The following PSAP variants were observed in gnomAD, a reference collection of about 807,000 sequenced individuals.
PSAP encodes prosaposin.
In PSAP, 25 loss-of-function variants were observed where a neutral mutation model predicts 66.0. That is an observed-to-expected ratio of 0.38 (90% CI 0.28 to 0.53). The LOEUF is 0.53. Among genes scored for constraint, PSAP ranks in the 20% least tolerant of loss-of-function variants. The pLI is 0.83. For synonymous variants in PSAP, 273 were observed against 258.9 expected, an observed-to-expected ratio of 1.05 and a Z score of -0.52; for missense variants, 649 against 668.8, an observed-to-expected ratio of 0.97 and a Z score of 0.33.
intron 7 of PSAP, 64 bp downstream of exon 7, chr10:71,825,773 C>T: frequency 1.3e-6 from 2 of 1,482,766 alleles, no homozygotes; most frequent in Non-Finnish European, 1.9e-6. Context: ...TTTCAAAATT[C>T]CTAGAAATGA....
chr10:71,824,506 C>T (rs1398168684), intron 7 of PSAP, among the ~76,000 whole-genome samples: 1 of 152,214 alleles, frequency 6.6e-6, no homozygotes, highest in Non-Finnish European at 1.5e-5. Context: ...TATATGTATG[C>T]ATTTGGCTAT....
At position 71,828,034 on chromosome 10, in the gene PSAP, C is replaced by T. The variant is rs770358467; in HGVS notation, c.700G>A (p.Gly234Ser). The T allele has an allele frequency of 6.2e-7, 1 of 1,614,182 alleles. No individual in the cohort carries two copies. Among genetic ancestry groups the T allele is most frequent in the Non-Finnish European group, 8.5e-7 (1 of 1,180,030 alleles). The change falls in exon 6 of 14, where the codon GGC becomes AGC. Residue 234 changes from glycine to serine, a missense_variant. Gly to Ser is a moderately conservative substitution (Grantham distance 56, BLOSUM62 0). Coordinates refer to ENST00000394936, the MANE Select transcript of PSAP (RefSeq NM_002778.4). ...EHVKEECDRL[G>S]PGMADICKNY... Reference sequence around the variant, plus strand: ...CTCACTATGTCGGCCATGCCAGGGCCCAGGCGGTCACACTCCTCCTTGACA... The same window carrying T: ...CTCACTATGTCGGCCATGCCAGGGCTCAGGCGGTCACACTCCTCCTTGACA...
At chr10:71,841,106 C>G (rs1017675746) in intron 1 of PSAP, among the ~76,000 whole-genome samples, 3 of 152,284 alleles carry the variant, frequency 2.0e-5, no homozygotes, top group African/African-American at 7.2e-5. Flanking sequence ...GCCAAGTGAG[C>G]AAGTGGAGGC....
chr10:71,835,658 C>G (rs1474520857), intron 1 of PSAP, among the ~76,000 whole-genome samples: 1 of 152,042 alleles, frequency 6.6e-6, no homozygotes, highest in Non-Finnish European at 1.5e-5. Context: ...AAAAAATCCT[C>G]AGATTCACAT....
intron 1 of PSAP, among the ~76,000 whole-genome samples, chr10:71,849,025 T>C (rs7098225): frequency 1.8e-4 from 28 of 152,244 alleles, no homozygotes; most frequent in African/African-American, 6.3e-4. Context: ...TGAGTCCCTT[T>C]TGGGTGATGT....
At chr10:71,846,997 A>C (rs73279792) in intron 1 of PSAP, among the ~76,000 whole-genome samples, 2,563 of 152,216 alleles carry the variant, frequency 0.017, 72 homozygotes, top group African/African-American at 0.057. Flanking sequence ...TGCTGTTCCC[A>C]GCCAGCAACA....
Position 71,839,784 on chromosome 10 carries a change from G to A in PSAP, c.41-5279C>T, listed in dbSNP as rs189288421. On this transcript the variant is annotated intron_variant, in intron 1 of 13. Coordinates refer to ENST00000394936, the MANE Select transcript of PSAP (RefSeq NM_002778.4). ...CAGGAGAATCGCTTGAACTCAGGAG[G>A]CAGAGGTTGTAGTAAGCCGAGATCA... Among the ~76,000 whole-genome samples, 385 of 152,222 alleles carry A rather than the reference G, an allele frequency of 2.5e-3. 2 individuals carry two copies. Among genetic ancestry groups the A allele is most frequent in the African/African-American group, 8.7e-3 (363 of 41,538 alleles).
chr10:71,835,926 T>C (rs1842617731), intron 1 of PSAP, among the ~76,000 whole-genome samples: 1 of 151,968 alleles, frequency 6.6e-6, no homozygotes, highest in African/African-American at 2.4e-5. Flanking sequence ...TCTACATACG[T>C]GTGTAACACA....
intron 4 of PSAP, 84 bp downstream of exon 4, chr10:71,831,042 C>T: frequency 8.8e-6 from 14 of 1,584,526 alleles, no homozygotes; most frequent in Non-Finnish European, 1.2e-5. Context: ...ACAGACTTTC[C>T]ATTTTAATCA....
intron 1 of PSAP, among the ~76,000 whole-genome samples, chr10:71,841,477 G>C (rs1163270982): frequency 6.6e-6 from 1 of 152,202 alleles, no homozygotes; most frequent in Non-Finnish European, 1.5e-5. Context: ...TCAGACCACA[G>C]CATGGGTCAC....
intron 13 of PSAP, among the ~76,000 whole-genome samples, chr10:71,817,915 C>T (rs143156958): frequency 2.0e-5 from 3 of 152,314 alleles, no homozygotes; most frequent in Admixed American, 6.5e-5. Flanking sequence ...GTGGGGCTGG[C>T]GGTGGAGATG....
intron 4 of PSAP, among the ~76,000 whole-genome samples, chr10:71,829,362 C>T (rs528773776): frequency 6.6e-6 from 1 of 152,282 alleles, no homozygotes; most frequent in African/African-American, 2.4e-5. Context: ...CTGCCATAGT[C>T]CCCACGTGTC....
At position 71,816,381 on chromosome 10, in the gene PSAP, T is replaced by A; in HGVS notation, c.*1060A>T. 2.1e-6 allele frequency: 1 copy of A among 470,810 alleles called. No individual in the cohort carries two copies. The highest frequency in any genetic ancestry group is 1.5e-5 in the South Asian group (1 of 64,568). The allele number at this position is 470,810 out of a possible 1,614,324, so 29.2% of individuals were successfully genotyped here. On this transcript the variant is annotated 3_prime_UTR_variant, in exon 14 of 14. Coordinates refer to ENST00000394936, the MANE Select transcript of PSAP (RefSeq NM_002778.4). ...CGAAGTCCATTTAATAGCAACTTCA[T>A]GTCCTGCTGGCTTTGCTTGCTGTCT...
At chr10:71,849,004 C>T (rs1321952583) in intron 1 of PSAP, among the ~76,000 whole-genome samples, 1 of 152,018 alleles carries the variant, frequency 6.6e-6, no homozygotes, top group Non-Finnish European at 1.5e-5. Context: ...TTATATTTCC[C>T]GAGACACGAT....
intron 2 of PSAP, among the ~76,000 whole-genome samples, chr10:71,832,652 C>G (rs1032822337): frequency 6.6e-6 from 1 of 152,106 alleles, no homozygotes; most frequent in Non-Finnish European, 1.5e-5. Flanking sequence ...CCCCCATGGA[C>G]ACCCAAACCC....
chr10:71,833,859 G>T (rs1458936528), intron 2 of PSAP, among the ~76,000 whole-genome samples: 1 of 152,270 alleles, frequency 6.6e-6, no homozygotes, highest in African/African-American at 2.4e-5. Flanking sequence ...AATGGCAACT[G>T]CACTCCAGGA....
intron 6 of PSAP, among the ~76,000 whole-genome samples, chr10:71,826,962 C>G (rs1842407766): frequency 6.6e-6 from 1 of 152,166 alleles, no homozygotes; most frequent in Admixed American, 6.5e-5. Context: ...ATGAAACGAT[C>G]TAAGTAAGGG....
At chr10:71,819,988 T>C in intron 9 of PSAP, 88 bp from the exon 10 acceptor site, 1 of 1,211,442 alleles carries the variant, frequency 8.3e-7, no homozygotes, top group Non-Finnish European at 1.2e-6. Flanking sequence ...GGCCAGGAAA[T>C]GAGTCAATGG....
chr10:71,842,572 C>T (rs115730354), intron 1 of PSAP, among the ~76,000 whole-genome samples: 2 of 152,158 alleles, frequency 1.3e-5, no homozygotes, highest in Admixed American at 1.3e-4. Context: ...AGCTAAACAT[C>T]TGGAGAACAA....
Sources: gnomAD v4.1 joint callset for allele counts (sites outside exome capture counted in the v4.1 genomes callset) on GRCh38, gnomAD v4.1.1 for gene constraint, MANE v1.5 for transcripts, NCBI Gene and HGNC (gene_info 2026-07-23, HGNC 2026-07-21) for gene names.